EXOC4: variants seen among roughly 807,000 people sequenced by gnomAD.
EXOC4 encodes the protein SEC8-like 1.
In EXOC4, 71 loss-of-function variants were observed where a neutral mutation model predicts 107.2. The observed-to-expected ratio is 0.66, with a 90% confidence interval of 0.55 to 0.81. The LOEUF (loss-of-function observed/expected upper bound fraction) is 0.81, where lower values mean the gene tolerates loss of function less well. Ranked by LOEUF, EXOC4 falls within the 30% of genes least tolerant of loss-of-function variation. The pLI, the probability that EXOC4 is intolerant of heterozygous loss-of-function variation, is 0.00. For missense variants in EXOC4, 1,108 were observed against 1,189.6 expected, an observed-to-expected ratio of 0.93 and a Z score of 1.01; for synonymous variants, 456 against 441.2, an observed-to-expected ratio of 1.03 and a Z score of -0.42.
At chr7:133,511,409 C>T (rs980822453) in intron 9 of EXOC4, among the ~76,000 whole-genome samples, 71 of 152,170 alleles carry the variant, frequency 4.7e-4, no homozygotes, top group African/African-American at 1.3e-3. Flanking sequence ...AGGGTTATTT[C>T]GTAAGGGTTG....
chr7:134,060,244 C>A (rs189928198), intron 17 of EXOC4, among the ~76,000 whole-genome samples: 275 of 152,314 alleles, frequency 1.8e-3, no homozygotes, highest in Non-Finnish European at 2.5e-3. Flanking sequence ...AGGCACACAG[C>A]AAAGGGTAGG....
chr7:133,702,316 G>A (rs1263647562), intron 10 of EXOC4, among the ~76,000 whole-genome samples: 1 of 18,728 alleles, frequency 5.3e-5, no homozygotes, highest in Non-Finnish European at 1.1e-4. Context: ...CACCAACGAT[G>A]CTGGTTTGTT....
At chr7:133,281,742 CCCA>C (rs2150533925) in intron 2 of EXOC4, among the ~76,000 whole-genome samples, 1 of 148,336 alleles carries the variant, frequency 6.7e-6, no homozygotes, top group East Asian at 2.0e-4. Flanking sequence ...CGCTCTGTTG[CCCA>C]AGCTGGAGGG....
At chr7:133,881,419 A>G (rs1293084578) in intron 11 of EXOC4, among the ~76,000 whole-genome samples, 2 of 151,956 alleles carry the variant, frequency 1.3e-5, no homozygotes, top group African/African-American at 2.4e-5. Flanking sequence ...GCAATTATTT[A>G]TCTTGCAGGA....
At chr7:133,289,434 A>G (rs919767196) in intron 3 of EXOC4, among the ~76,000 whole-genome samples, 1 of 152,256 alleles carries the variant, frequency 6.6e-6, no homozygotes. Flanking sequence ...CCCATTTTAA[A>G]CAATGAAATC....
At chr7:134,030,988 T>G (rs1795257896) in intron 17 of EXOC4, among the ~76,000 whole-genome samples, 2 of 152,060 alleles carry the variant, frequency 1.3e-5, no homozygotes, top group Non-Finnish European at 2.9e-5. Flanking sequence ...TCAAAAACAT[T>G]GTGCTAAATG....
At chr7:133,540,068 C>A (rs138730876) in intron 9 of EXOC4, among the ~76,000 whole-genome samples, 137 of 152,206 alleles carry the variant, frequency 9.0e-4, no homozygotes, top group African/African-American at 3.0e-3. Context: ...GAGCAGTTCG[C>A]TATTTGCTGG....
chr7:133,718,882 G>A (rs1795050408), intron 10 of EXOC4, among the ~76,000 whole-genome samples: 1 of 152,052 alleles, frequency 6.6e-6, no homozygotes, highest in Non-Finnish European at 1.5e-5. Flanking sequence ...TTAGGGAAAG[G>A]GCTCATTCTA....
At chr7:133,347,136 CTATT>C (rs1795800571) in intron 5 of EXOC4, among the ~76,000 whole-genome samples, 1 of 151,302 alleles carries the variant, frequency 6.6e-6, no homozygotes, top group African/African-American at 2.4e-5. Flanking sequence ...TATAAATAGT[CTATT>C]TAGCTTTTTT....
At chr7:133,892,061 CT>C (rs1445378557) in intron 11 of EXOC4, among the ~76,000 whole-genome samples, 1 of 14,388 alleles carries the variant, frequency 7.0e-5, no homozygotes, top group Non-Finnish European at 1.1e-4. Flanking sequence ...GTCCTGGACT[CT>C]TTTTGGTTGG....
intron 9 of EXOC4, among the ~76,000 whole-genome samples, chr7:133,510,867 CT>C (rs1161555872): frequency 6.6e-6 from 1 of 152,142 alleles, no homozygotes; most frequent in Non-Finnish European, 1.5e-5. Flanking sequence ...CAAGTTGTGA[CT>C]TTTTCATTGC....
intron 7 of EXOC4, among the ~76,000 whole-genome samples, chr7:133,436,048 G>GTTTTTTTTTTTT (rs5887624): frequency 7.0e-6 from 1 of 142,756 alleles, no homozygotes; most frequent in Non-Finnish European, 1.5e-5. Flanking sequence ...TTATCTCAGT[G>GTTTTTTTTTTTT]TTTTTTTTTT....
chr7:133,386,282 T>C (rs1796724688), intron 7 of EXOC4, among the ~76,000 whole-genome samples: 1 of 152,244 alleles, frequency 6.6e-6, no homozygotes, highest in Non-Finnish European at 1.5e-5. Context: ...AATATTTTGC[T>C]AATTACGGCT....
chr7:133,995,048 T>C (rs1331114160), intron 14 of EXOC4, among the ~76,000 whole-genome samples: 1 of 152,202 alleles, frequency 6.6e-6, no homozygotes, highest in East Asian at 1.9e-4. Context: ...TAATAAAATG[T>C]TATCTTTTTG....
At chr7:133,705,947 G>A (rs973614873) in intron 10 of EXOC4, among the ~76,000 whole-genome samples, 2 of 152,224 alleles carry the variant, frequency 1.3e-5, no homozygotes, top group Non-Finnish European at 2.9e-5. Flanking sequence ...CAAAACTGTA[G>A]ATAAGGAGGA....
chr7:134,083,244 G>A, the EXOC4 span, among the ~76,000 whole-genome samples: 2 of 152,098 alleles, frequency 1.3e-5, 1 homozygote, highest in South Asian at 4.1e-4. Flanking sequence ...ATCAAGTGAT[G>A]CACCAGCAGG....
At chr7:133,699,284 C>T (rs1794605272) in intron 10 of EXOC4, among the ~76,000 whole-genome samples, 1 of 152,082 alleles carries the variant, frequency 6.6e-6, no homozygotes, top group Non-Finnish European at 1.5e-5. Flanking sequence ...TAGACTGAGT[C>T]AGTGTTTTTT....
chr7:133,534,964 T>G (rs1800246068), intron 9 of EXOC4, among the ~76,000 whole-genome samples: 1 of 152,174 alleles, frequency 6.6e-6, no homozygotes, highest in East Asian at 1.9e-4. Context: ...TCAACAGATT[T>G]GATGTTTTGT....
At chr7:133,916,964 A>G (rs533439632) in intron 12 of EXOC4, among the ~76,000 whole-genome samples, 11 of 152,314 alleles carry the variant, frequency 7.2e-5, no homozygotes, top group East Asian at 1.9e-4. Context: ...CATGGGCCCT[A>G]TGAAAAGACT....
Sources: gnomAD v4.1 joint callset for allele counts (sites outside exome capture counted in the v4.1 genomes callset) on GRCh38, gnomAD v4.1.1 for gene constraint, MANE v1.5 for transcripts, NCBI Gene and HGNC (gene_info 2026-07-23, HGNC 2026-07-21) for gene names.